Variants in DGKB observed in about 807,000 individuals in gnomAD.
DGKB encodes 90 kDa diacylglycerol kinase.
Under a neutral mutation model 114.3 loss-of-function variants are expected in DGKB, and 67 were observed. The ratio of observed to expected loss-of-function variants is 0.59; its 90% confidence interval spans 0.48 to 0.72. DGKB has a LOEUF of 0.72. DGKB is among the 30% of genes least tolerant of loss of function. The probability of loss-of-function intolerance (pLI) is 0.00; values close to 1 mark genes in which losing one functional copy is unlikely to be tolerated. For missense variants in DGKB, 907 were observed against 975.2 expected (o/e 0.93, Z 0.93); for synonymous variants, 398 against 323.1 (o/e 1.23, Z -2.49).
At chr7:14,310,435 T>G (rs552861788) in intron 23 of DGKB, among the ~76,000 whole-genome samples, 2 of 152,268 alleles carry the variant, frequency 1.3e-5, no homozygotes, top group African/African-American at 4.8e-5. Flanking sequence ...GTGGCAAACA[T>G]GGAGTCTAAA....
intron 20 of DGKB, among the ~76,000 whole-genome samples, chr7:14,543,636 C>T (rs937308512): frequency 6.6e-6 from 1 of 152,152 alleles, no homozygotes. Flanking sequence ...TAGTAACTTG[C>T]TCACAGTAGT....
chr7:14,427,448 C>T (rs1016992315), intron 21 of DGKB, among the ~76,000 whole-genome samples: 2 of 152,140 alleles, frequency 1.3e-5, no homozygotes, highest in African/African-American at 2.4e-5. Context: ...GTTCCAACCT[C>T]TGCCCAGTTA....
At position 14,769,119 on chromosome 7, in the gene DGKB, AAGAAAG is replaced by A. The variant is rs1271987412; in HGVS notation, c.71-11394_71-11389del. On this transcript the variant is annotated intron_variant, in intron 2 of 25. Coordinates refer to ENST00000402815, the MANE Select transcript of DGKB (RefSeq NM_001350709.2). ...AAAGAAAGAAAGAAAGAAAGAAAGA[AAGAAAG>A]AGAGAGAGAGAAAGAAAGAAAGAAA... is the stretch of plus-strand genomic sequence containing the variant. Among the ~76,000 whole-genome samples the A allele has an allele frequency of 3.3e-4, 37 of 111,208 alleles. No homozygotes were observed. In the South Asian group the frequency reaches 3.5e-3, roughly 11 times the overall value. The allele number at this position is 111,208 out of a possible 152,430, so 73.0% of individuals were successfully genotyped here.
intron 6 of DGKB, among the ~76,000 whole-genome samples, chr7:14,705,412 G>C (rs1470941634): frequency 1.3e-5 from 2 of 151,246 alleles, no homozygotes; most frequent in African/African-American, 4.8e-5. Context: ...TTATCCAGGA[G>C]AACTTCCCCA....
intron 1 of DGKB, among the ~76,000 whole-genome samples, chr7:14,880,659 A>G (rs764153789): frequency 3.3e-5 from 5 of 152,188 alleles, no homozygotes; most frequent in Non-Finnish European, 5.9e-5. Context: ...ACAATAATGT[A>G]TAATAACTTA....
intron 25 of DGKB, among the ~76,000 whole-genome samples, chr7:14,165,284 C>G (rs941375177): frequency 6.6e-6 from 1 of 152,110 alleles, no homozygotes; most frequent in Non-Finnish European, 1.5e-5. Flanking sequence ...AAATAAAAAT[C>G]TGGTAAACAG....
At chr7:14,534,932 C>T (rs761042651) in intron 20 of DGKB, among the ~76,000 whole-genome samples, 2 of 151,830 alleles carry the variant, frequency 1.3e-5, no homozygotes, top group Admixed American at 6.6e-5. Flanking sequence ...AATAAACTCT[C>T]GAAAAGTCAC....
At chr7:14,835,779 C>A (rs1847073086) in intron 2 of DGKB, among the ~76,000 whole-genome samples, 1 of 152,106 alleles carries the variant, frequency 6.6e-6, no homozygotes, top group African/African-American at 2.4e-5. Context: ...TGACTAAGAA[C>A]CTGTTTATTA....
intron 1 of DGKB, among the ~76,000 whole-genome samples, chr7:14,845,106 C>CAAAAA (rs59367496): frequency 9.0e-4 from 80 of 89,266 alleles, no homozygotes; most frequent in Non-Finnish European, 1.4e-3. Context: ...GGCCCTGTGT[C>CAAAAA]AAAAAAAAAA....
At chr7:14,851,851 A>G in intron 1 of DGKB, among the ~76,000 whole-genome samples, 1 of 152,314 alleles carries the variant, frequency 6.6e-6, no homozygotes, top group South Asian at 2.1e-4. Flanking sequence ...ACAGTCAGCA[A>G]GCCAGCTTCC....
intron 9 of DGKB, among the ~76,000 whole-genome samples, chr7:14,691,989 A>G (rs1384650748): frequency 6.6e-6 from 1 of 152,122 alleles, no homozygotes; most frequent in Admixed American, 6.6e-5. Flanking sequence ...TGCACATTAA[A>G]TGCATAGAAT....
chr7:14,482,437 G>A (rs539047011), intron 20 of DGKB, among the ~76,000 whole-genome samples: 219 of 152,108 alleles, frequency 1.4e-3, no homozygotes, highest in Non-Finnish European at 2.7e-3. Context: ...AAACTCAAAA[G>A]GGTGAGGAAT....
At chr7:14,237,759 C>T (rs929064575) in intron 23 of DGKB, among the ~76,000 whole-genome samples, 2 of 151,792 alleles carry the variant, frequency 1.3e-5, no homozygotes, top group African/African-American at 2.4e-5. Flanking sequence ...AAAAATAGAT[C>T]ATCTTTTTTA....
chr7:14,501,177 G>A (rs1001150087), intron 20 of DGKB, among the ~76,000 whole-genome samples: 1 of 151,798 alleles, frequency 6.6e-6, no homozygotes, highest in Admixed American at 6.6e-5. Flanking sequence ...GGAATCACAA[G>A]GTTGTGACTG....
intron 21 of DGKB, among the ~76,000 whole-genome samples, chr7:14,459,210 C>G (rs1832730739): frequency 6.6e-6 from 1 of 152,116 alleles, no homozygotes. Context: ...TAGTCAGAGG[C>G]TTGTAGATAA....
chr7:14,330,049 C>T (rs1479700959), intron 23 of DGKB, among the ~76,000 whole-genome samples: 2 of 151,894 alleles, frequency 1.3e-5, no homozygotes, highest in Non-Finnish European at 2.9e-5. Context: ...AGAACATACC[C>T]ATTAAAGCAT....
chr7:14,694,260 A>C lies in DGKB; in HGVS notation c.592-66T>G, dbSNP rs1232967537. On this transcript the variant is annotated intron_variant, in intron 8 of 25. Coordinates refer to ENST00000402815, the MANE Select transcript of DGKB (RefSeq NM_001350709.2). Reference sequence around the variant, plus strand: ...TAAAATAAATTTCATAGGCTACAACATATGAAATTGTGACTAACAGCTAAG... The same window carrying C: ...TAAAATAAATTTCATAGGCTACAACCTATGAAATTGTGACTAACAGCTAAG... The C allele has an allele frequency of 1.0e-5, 14 of 1,399,520 alleles. No individual in the cohort carries two copies. In the East Asian group the frequency reaches 2.3e-4, roughly 23 times the overall value. The allele number at this position is 1,399,520 out of a possible 1,614,324, so 86.7% of individuals were successfully genotyped here.
chr7:14,152,785 T>A (rs1309767342), intron 25 of DGKB, among the ~76,000 whole-genome samples: 1 of 152,108 alleles, frequency 6.6e-6, no homozygotes, highest in African/African-American at 2.4e-5. Context: ...TTTTTAAGGT[T>A]GCATAGTTTG....
chr7:14,790,034 A>G (rs1180725705), intron 2 of DGKB, among the ~76,000 whole-genome samples: 2 of 152,128 alleles, frequency 1.3e-5, no homozygotes, highest in African/African-American at 4.8e-5. Flanking sequence ...CATTTCCCTA[A>G]TGGGTAATGA....
Sources: allele counts gnomAD v4.1 joint callset (sites outside exome capture counted in the v4.1 genomes callset), GRCh38; gene constraint gnomAD v4.1.1; transcripts MANE v1.5; gene names NCBI Gene and HGNC (gene_info 2026-07-23, HGNC 2026-07-21).